The following LRRIQ3 variants were observed in gnomAD, a reference collection of about 807,000 sequenced individuals.
The protein encoded by LRRIQ3 is leucine rich repeats and IQ motif containing 3.
In LRRIQ3, 75 loss-of-function variants were observed where a neutral mutation model predicts 59.3. The ratio of observed to expected loss-of-function variants is 1.26; its 90% CI spans 1.05 to 1.53. The LOEUF is 1.53. LRRIQ3 is among the 40% of genes most tolerant of loss of function. LRRIQ3 has a pLI of 0.00. For missense variants in LRRIQ3, 831 were observed against 710.0 expected (o/e 1.17, Z -1.94); for synonymous variants, 250 against 231.3 (o/e 1.08, Z -0.73).
chr1:74,125,561 G>A (rs1229600745), intron 4 of LRRIQ3, among the ~76,000 whole-genome samples: 1 of 151,722 alleles, frequency 6.6e-6, no homozygotes, highest in Non-Finnish European at 1.5e-5. Flanking sequence ...TTATCATAAA[G>A]GGATATTGGA....
At chr1:74,172,715 T>C (rs773771861) in intron 3 of LRRIQ3, among the ~76,000 whole-genome samples, 11 of 152,198 alleles carry the variant, frequency 7.2e-5, no homozygotes, top group Admixed American at 4.6e-4. Context: ...TCCTAATAAC[T>C]GCTAACGTTG....
intron 4 of LRRIQ3, among the ~76,000 whole-genome samples, chr1:74,146,521 G>T (rs1647580094): frequency 6.6e-6 from 1 of 152,142 alleles, no homozygotes; most frequent in Admixed American, 6.6e-5. Flanking sequence ...ATTATATCAT[G>T]CCTATAAGGC....
At chr1:74,123,725 T>G (rs1040380098) in intron 4 of LRRIQ3, among the ~76,000 whole-genome samples, 1 of 152,070 alleles carries the variant, frequency 6.6e-6, no homozygotes, top group Admixed American at 6.6e-5. Context: ...ACACTTAGGT[T>G]ACTTTCAAAT....
At chr1:74,113,157 C>A (rs67635562) in intron 4 of LRRIQ3, among the ~76,000 whole-genome samples, 47,865 of 151,228 alleles carry the variant, frequency 0.32, 8,251 homozygotes, top group Middle Eastern at 0.46. Flanking sequence ...TTAAAAAAAA[C>A]CAAAAATTTT....
chr1:74,099,214 T>C (rs151201783), intron 5 of LRRIQ3, among the ~76,000 whole-genome samples: 5,431 of 152,030 alleles, frequency 0.036, 144 homozygotes, highest in South Asian at 0.13. Context: ...TAAAAAATGA[T>C]AAAGGGGATA....
chr1:74,089,053 C>A (rs1646365686), intron 5 of LRRIQ3, among the ~76,000 whole-genome samples: 1 of 151,914 alleles, frequency 6.6e-6, no homozygotes, highest in Non-Finnish European at 1.5e-5. Context: ...AATAAATACA[C>A]AAAAAGATGC....
At chr1:74,189,916 A>T (rs1013195521) in intron 1 of LRRIQ3, among the ~76,000 whole-genome samples, 5 of 152,076 alleles carry the variant, frequency 3.3e-5, no homozygotes, top group Admixed American at 1.3e-4. Context: ...TACAGTAAGC[A>T]CTACAAAATT....
intron 6 of LRRIQ3, among the ~76,000 whole-genome samples, chr1:74,073,509 A>AAAACAAACAAACAAAC (rs150618239): frequency 1.1e-4 from 17 of 149,520 alleles, no homozygotes; most frequent in African/African-American, 3.5e-4. Flanking sequence ...AGACTGTCTT[A>AAAACAAACAAACAAAC]AAACAAACAA....
chr1:74,111,638 G>T (rs1012507660), intron 4 of LRRIQ3, among the ~76,000 whole-genome samples: 14 of 151,898 alleles, frequency 9.2e-5, no homozygotes, highest in Admixed American at 9.2e-4. Flanking sequence ...ATATATCTCT[G>T]GAAATTGTCC....
At chr1:74,097,492 T>G (rs889537906) in intron 5 of LRRIQ3, among the ~76,000 whole-genome samples, 3 of 152,072 alleles carry the variant, frequency 2.0e-5, no homozygotes, top group African/African-American at 4.8e-5. Flanking sequence ...CAGGATATTA[T>G]CCAGGAGAAC....
chr1:74,093,890 C>T (rs1185977700), intron 5 of LRRIQ3, among the ~76,000 whole-genome samples: 1 of 152,078 alleles, frequency 6.6e-6, no homozygotes, highest in Admixed American at 6.6e-5. Context: ...CATCTATGTC[C>T]TAATCCCCTG....
intron 6 of LRRIQ3, among the ~76,000 whole-genome samples, chr1:74,065,672 T>C (rs61776724): frequency 1.3e-5 from 2 of 152,272 alleles, no homozygotes; most frequent in East Asian, 3.9e-4. Flanking sequence ...CTAAAAATTT[T>C]ATATTCCTGG....
chr1:74,167,396 C>G (rs1209516362), intron 3 of LRRIQ3, among the ~76,000 whole-genome samples: 1 of 151,554 alleles, frequency 6.6e-6, no homozygotes, highest in African/African-American at 2.4e-5. Context: ...ACAGTGGGAG[C>G]TAAGCTATGA....
At chr1:74,080,774 C>T (rs7355023) in intron 5 of LRRIQ3, among the ~76,000 whole-genome samples, 5,090 of 151,650 alleles carry the variant, frequency 0.034, 307 homozygotes, top group African/African-American at 0.12. Context: ...GCTCTAGTGT[C>T]TGGCAGCACA....
intron 5 of LRRIQ3, among the ~76,000 whole-genome samples, chr1:74,091,511 T>A (rs1025955603): frequency 1.2e-4 from 19 of 152,166 alleles, no homozygotes; most frequent in Non-Finnish European, 2.5e-4. Context: ...AATTAAAATT[T>A]ATTGATTAAA....
intron 5 of LRRIQ3, among the ~76,000 whole-genome samples, chr1:74,100,085 G>C (rs1348987292): frequency 6.6e-6 from 1 of 152,036 alleles, no homozygotes; most frequent in Non-Finnish European, 1.5e-5. Flanking sequence ...AGAAATAAAG[G>C]GTATTCAATT....
intron 5 of LRRIQ3, among the ~76,000 whole-genome samples, chr1:74,079,991 CTGTT>C (rs1488658940): frequency 6.6e-6 from 1 of 151,726 alleles, no homozygotes; most frequent in African/African-American, 2.4e-5. Context: ...TCTTTATAAA[CTGTT>C]TATCACGATT....
At chr1:74,144,549 TAAAAA>T in intron 4 of LRRIQ3, 105 of 139,548 alleles carry the variant, frequency 7.5e-4, no homozygotes, top group South Asian at 2.3e-3. Context: ...TAACAGTCTG[TAAAAA>T]AAAAAAAAAA....
chr1:74,027,014 C>T (rs1357006932), intron 7 of LRRIQ3, 45 bp from the exon 8 acceptor site: 7 of 1,307,934 alleles, frequency 5.4e-6, no homozygotes, highest in Non-Finnish European at 7.4e-6. Flanking sequence ...CTTTTAAATA[C>T]TGAAACCATG....
Sources: gnomAD v4.1 joint callset for allele counts (sites outside exome capture counted in the v4.1 genomes callset) on GRCh38, gnomAD v4.1.1 for gene constraint, MANE v1.5 for transcripts, NCBI Gene and HGNC (gene_info 2026-07-23, HGNC 2026-07-21) for gene names.